The following CNTNAP2 variants were observed in gnomAD, a reference collection of about 807,000 sequenced individuals.
The protein encoded by CNTNAP2 is contactin associated protein 2, also known as contactin-associated protein-like 2.
CNTNAP2 carries 98 observed loss-of-function variants against 155.2 expected under a neutral mutation model. The ratio of observed to expected loss-of-function variants is 0.63; its 90% CI spans 0.54 to 0.75. CNTNAP2 has a LOEUF of 0.75. Ranked by LOEUF, CNTNAP2 falls within the 30% of genes least tolerant of loss-of-function variation. The pLI is 0.00. For synonymous variants in CNTNAP2, 651 were observed against 631.2 expected (o/e 1.03, Z -0.47); for missense variants, 1,727 against 1,688.1 (o/e 1.02, Z -0.40).
At chr7:146,764,728 C>G (rs1802165565) in intron 1 of CNTNAP2, among the ~76,000 whole-genome samples, 1 of 152,020 alleles carries the variant, frequency 6.6e-6, no homozygotes, top group South Asian at 2.1e-4. Flanking sequence ...GATTTACAAC[C>G]AAGATTTCTC....
intron 21 of CNTNAP2, among the ~76,000 whole-genome samples, chr7:148,360,859 G>T (rs1409449762): frequency 1.3e-5 from 2 of 150,238 alleles, no homozygotes; most frequent in African/African-American, 5.0e-5. Flanking sequence ...GCCCAGGCTG[G>T]AGTGCAGTGG....
chr7:147,556,827 G>A (rs1366493306), intron 11 of CNTNAP2, among the ~76,000 whole-genome samples: 1 of 152,170 alleles, frequency 6.6e-6, no homozygotes, highest in Non-Finnish European at 1.5e-5. Context: ...AATTGGTGTT[G>A]TTTTAAGTCA....
At chr7:147,260,436 T>A (rs1201717393) in intron 8 of CNTNAP2, among the ~76,000 whole-genome samples, 2 of 152,306 alleles carry the variant, frequency 1.3e-5, no homozygotes. Context: ...AAAATTTTTT[T>A]AAAAAGCCTT....
chr7:147,808,890 A>C (rs532900762), intron 13 of CNTNAP2, among the ~76,000 whole-genome samples: 1 of 152,298 alleles, frequency 6.6e-6, no homozygotes, highest in South Asian at 2.1e-4. Context: ...AATTTTGAAA[A>C]CTCAAAGGCA....
At chr7:147,481,081 T>C (rs953933362) in intron 10 of CNTNAP2, among the ~76,000 whole-genome samples, 2 of 152,240 alleles carry the variant, frequency 1.3e-5, no homozygotes, top group Admixed American at 1.3e-4. Flanking sequence ...GTCATGGTGC[T>C]ATGACTATGG....
intron 9 of CNTNAP2, among the ~76,000 whole-genome samples, chr7:147,392,419 T>C (rs1796735287): frequency 1.3e-5 from 2 of 152,048 alleles, no homozygotes; most frequent in South Asian, 4.1e-4. Context: ...CATGAGTAAG[T>C]TCTTTCGTGG....
chr7:147,456,255 G>A (rs1797916504), intron 10 of CNTNAP2, among the ~76,000 whole-genome samples: 1 of 152,112 alleles, frequency 6.6e-6, no homozygotes, highest in African/African-American at 2.4e-5. Context: ...CTATGACAAA[G>A]AAAGCAATTA....
intron 1 of CNTNAP2, among the ~76,000 whole-genome samples, chr7:146,502,952 G>GTTT (rs1422905068): frequency 1.4e-4 from 22 of 152,282 alleles, no homozygotes; most frequent in Admixed American, 2.6e-4. Flanking sequence ...TTGATGATAA[G>GTTT]TGAGGTTGAG....
chr7:147,138,357 A>G (rs1365443288), intron 8 of CNTNAP2, among the ~76,000 whole-genome samples: 1 of 152,096 alleles, frequency 6.6e-6, no homozygotes, highest in African/African-American at 2.4e-5. Flanking sequence ...ACACATAGAA[A>G]TAAGATACCC....
intron 1 of CNTNAP2, among the ~76,000 whole-genome samples, chr7:146,341,511 A>C (rs1794726843): frequency 6.6e-6 from 1 of 152,180 alleles, no homozygotes; most frequent in African/African-American, 2.4e-5. Context: ...AAGATAGAAA[A>C]ACAGTTGCGA....
rs529106113 is a variant in CNTNAP2, at chr7:146,601,132, A to G, written c.98-173139A>G. ...CTTAATTTTAGAAGCAGATTGCATT[A>G]TGATAAATACTTACAGAGTGACTAG... On this transcript the variant is annotated intron_variant, in intron 1 of 23. Transcript: ENST00000361727. Among the ~76,000 whole-genome samples the G allele has an allele frequency of 2.6e-5, 4 of 152,270 alleles. No homozygotes were observed. The East Asian group carries it at 7.7e-4, about 29-fold the overall frequency.
chr7:147,279,109 A>G (rs1186215683), intron 8 of CNTNAP2, among the ~76,000 whole-genome samples: 1 of 151,682 alleles, frequency 6.6e-6, no homozygotes, highest in Non-Finnish European at 1.5e-5. Context: ...AGTAATACTT[A>G]CCTACATTTT....
intron 12 of CNTNAP2, among the ~76,000 whole-genome samples, chr7:147,619,273 C>T (rs567693022): frequency 6.6e-6 from 1 of 152,254 alleles, no homozygotes; most frequent in South Asian, 2.1e-4. Flanking sequence ...GCATTATATG[C>T]ATAAATGATA....
intron 9 of CNTNAP2, among the ~76,000 whole-genome samples, chr7:147,301,032 A>G (rs560462045): frequency 1.3e-5 from 2 of 152,118 alleles, no homozygotes; most frequent in African/African-American, 2.4e-5. Flanking sequence ...ATTATTTTCA[A>G]CCTGTGGGAA....
intron 8 of CNTNAP2, among the ~76,000 whole-genome samples, chr7:147,178,742 G>T (rs1055392147): frequency 1.3e-5 from 2 of 152,138 alleles, no homozygotes; most frequent in Admixed American, 1.3e-4. Context: ...TAAGCTAAGA[G>T]AACTGCTCTG....
intron 1 of CNTNAP2, among the ~76,000 whole-genome samples, chr7:146,378,873 T>C (rs564339946): frequency 6.6e-6 from 1 of 152,318 alleles, no homozygotes; most frequent in East Asian, 1.9e-4. Context: ...TCATTTTAGG[T>C]CCCAAAGCTA....
intron 1 of CNTNAP2, among the ~76,000 whole-genome samples, chr7:146,505,129 G>A (rs6946522): frequency 0.066 from 9,998 of 152,150 alleles, 814 homozygotes; most frequent in African/African-American, 0.19. Context: ...CATTCTAAAC[G>A]TCAGCCATGG....
chr7:148,202,566 G>A (rs1795385083), intron 18 of CNTNAP2, among the ~76,000 whole-genome samples: 1 of 152,114 alleles, frequency 6.6e-6, no homozygotes, highest in Non-Finnish European at 1.5e-5. Context: ...TGCCACAGAC[G>A]TGGTGCAAAA....
chr7:147,447,846 T>C (rs1797766500), intron 10 of CNTNAP2, among the ~76,000 whole-genome samples: 2 of 151,936 alleles, frequency 1.3e-5, no homozygotes, highest in South Asian at 4.1e-4. Flanking sequence ...TGAGGCATTA[T>C]GGAAATTAAA....
Sources: gnomAD v4.1 joint callset for allele counts (sites outside exome capture counted in the v4.1 genomes callset) on GRCh38, gnomAD v4.1.1 for gene constraint, MANE v1.5 for transcripts, NCBI Gene and HGNC (gene_info 2026-07-23, HGNC 2026-07-21) for gene names.